ZNF350: variants seen among roughly 807,000 people sequenced by gnomAD.
ZNF350 encodes the protein KRAB zinc finger protein ZFQR.
ZNF350 carries 5 observed loss-of-function variants against 13.1 expected under a neutral mutation model. The observed-to-expected ratio is 0.38, with a 90% CI of 0.20 to 0.80. The LOEUF is 0.80. Ranked by LOEUF, ZNF350 falls within the 30% of genes least tolerant of loss-of-function variation. The pLI is 0.43. For missense variants in ZNF350, 534 were observed against 644.2 expected, an observed-to-expected ratio of 0.83 and a Z score of 1.85; for synonymous variants, 199 against 224.2, an observed-to-expected ratio of 0.89 and a Z score of 1.00.
At chr19:51,984,798 G>A (rs1210761452) in intron 1 of ZNF350, among the ~76,000 whole-genome samples, 4 of 152,138 alleles carry the variant, frequency 2.6e-5, no homozygotes, top group Non-Finnish European at 4.4e-5. Flanking sequence ...TATGTAGCCT[G>A]CAAGCCCTAA....
chr19:51,983,342 G>T (rs976414343), intron 1 of ZNF350, among the ~76,000 whole-genome samples: 14 of 152,134 alleles, frequency 9.2e-5, no homozygotes, highest in African/African-American at 3.4e-4. Flanking sequence ...TCGTGGGAAG[G>T]GAAAAACCTG....
intron 2 of ZNF350, among the ~76,000 whole-genome samples, chr19:51,969,620 C>T (rs2085678623): frequency 6.6e-6 from 1 of 151,816 alleles, no homozygotes; most frequent in Non-Finnish European, 1.5e-5. Flanking sequence ...TCACTCGAGC[C>T]CAGGAGTTCA....
chr19:51,982,616 A>G (rs1022832084), intron 1 of ZNF350, among the ~76,000 whole-genome samples: 1 of 152,260 alleles, frequency 6.6e-6, no homozygotes, highest in Non-Finnish European at 1.5e-5. Flanking sequence ...TCCCAAATCT[A>G]CAGATTCAAT....
rs1358010992 is a variant in ZNF350 at position 51,981,520 on chromosome 19, C to T, written c.-172+5250G>A. ...ATCTTGGTCAGGCTGGCCTTCAACTCCGGATCTCATCACACACCCGCCTCA... is the reference window on the plus strand; with the variant it reads ...ATCTTGGTCAGGCTGGCCTTCAACTTCGGATCTCATCACACACCCGCCTCA... On this transcript the variant is annotated intron_variant, in intron 1 of 4. Transcript: ENST00000243644. Among the ~76,000 whole-genome samples, 3 of 152,096 alleles carry T rather than the reference C, an allele frequency of 2.0e-5. No homozygotes were observed. The East Asian group carries it at 5.8e-4, about 29-fold the overall frequency.
At chr19:51,975,550 A>C (rs1288503106) in intron 1 of ZNF350, among the ~76,000 whole-genome samples, 1 of 152,164 alleles carries the variant, frequency 6.6e-6, no homozygotes, top group African/African-American at 2.4e-5. Context: ...AAAACAGAGC[A>C]AAAAGAGCAA....
intron 2 of ZNF350, among the ~76,000 whole-genome samples, chr19:51,971,995 G>T (rs2085751525): frequency 6.6e-6 from 1 of 152,112 alleles, no homozygotes. Flanking sequence ...ATTATTCAAT[G>T]AGAATTGTTA....
intron 2 of ZNF350, among the ~76,000 whole-genome samples, chr19:51,972,792 A>G (rs559745792): frequency 6.6e-6 from 1 of 152,244 alleles, no homozygotes; most frequent in Admixed American, 6.5e-5. Context: ...GGAAGAAAAT[A>G]TGTGAAAAGA....
In ZNF350 at chr19:51,965,509, T is replaced by G; in HGVS notation, c.944A>C (p.Glu315Ala). The change falls in exon 5 of 5, where the codon GAG becomes GCG. Residue 315 changes from glutamate (E) to alanine (A), a missense_variant. By Grantham distance (107) the Glu-to-Ala change is moderately radical. Coordinates refer to ENST00000243644, the MANE Select transcript of ZNF350 (RefSeq NM_021632.4). ...ACATTCATTGCATATATAAGGTTTC[T>G]CACCTGTATGAATTCGCTGGTGTAC... Reference protein sequence around the residue: ...LIVHQRIHTGEKPYICNECGK... With the variant: ...LIVHQRIHTGAKPYICNECGK... 1 of 1,614,236 alleles carries G rather than the reference T, an allele frequency of 6.2e-7. No homozygotes were observed.
intron 4 of ZNF350, among the ~76,000 whole-genome samples, chr19:51,966,647 G>GC (rs1555762159): frequency 6.9e-5 from 10 of 144,440 alleles, no homozygotes; most frequent in Non-Finnish European, 1.1e-4. Context: ...ATTTTTTGTT[G>GC]TTTTTTTTTT....
chr19:51,966,213 G>A lies in ZNF350; in HGVS notation c.240C>T (p.Asp80=), dbSNP rs201632206. The A allele has an allele frequency of 4.6e-5, 71 of 1,550,796 alleles. No homozygotes were observed. The highest frequency in any genetic ancestry group is 1.7e-6 in the Non-Finnish European group (2 of 1,153,562). ...EDGIHSGACS[D]IWKVDHVLER... ...CCAGCACATGATCAACTTTCCATAT[G>A]TCTAGAAAGAAAAGAACAAAGATTT... Residue 80 remains aspartate (D), a splice_region_variant and synonymous_variant, in exon 5 of 5, where the codon GAC becomes GAT. Transcript: ENST00000243644.
chr19:51,975,062 A>G (rs1415517395), intron 1 of ZNF350, among the ~76,000 whole-genome samples: 6 of 152,250 alleles, frequency 3.9e-5, no homozygotes, highest in African/African-American at 1.4e-4. Context: ...TTACTGGATA[A>G]TTAGGTGGTG....
Position 51,965,603 on chromosome 19 carries a change from G to GTGT in ZNF350, c.847_849dup (p.Thr283dup). 1 of 1,614,192 alleles carries GTGT rather than the reference G, an allele frequency of 6.2e-7. No homozygotes were observed. Among genetic ancestry groups the GTGT allele is most frequent in the Non-Finnish European group, 8.5e-7 (1 of 1,180,042 alleles). ...CATATATAGGGTTTCTCTCCGGTAT[G>GTGT]TGTTTTCTGATGTATGTTGAGCCGT... On this transcript the variant is annotated inframe_insertion, in exon 5 of 5. Transcript: ENST00000243644.
At chr19:51,969,638 C>T (rs1274330280) in intron 2 of ZNF350, among the ~76,000 whole-genome samples, 2 of 152,066 alleles carry the variant, frequency 1.3e-5, no homozygotes, top group East Asian at 1.9e-4. Flanking sequence ...TCAAGACCAG[C>T]CTGGGCAACA....
intron 4 of ZNF350, 114 bp from the exon 5 acceptor site, chr19:51,966,328 G>T: frequency 2.7e-6 from 3 of 1,107,754 alleles, no homozygotes; most frequent in Non-Finnish European, 3.7e-6. Flanking sequence ...CCGTTGTCCA[G>T]GCTGGAGTGC....
At position 51,964,978 on chromosome 19, in the gene ZNF350, A is replaced by C; in HGVS notation, c.1475T>G (p.Val492Gly). Residue 492 changes from valine (V) to glycine (G), a missense_variant, in exon 5 of 5, where the codon GTC (valine) becomes GGC (glycine). Transcript: ENST00000243644. ...GTTATCTCCTGAGGCTGCACATCTGACCACTGGCTGTCCCACAAGGACTAC... is the reference window on the plus strand; with the variant it reads ...GTTATCTCCTGAGGCTGCACATCTGCCCACTGGCTGTCCCACAAGGACTAC... ...RNVVLVGQPVVRCAASGDNRG... is the reference protein window; with the variant it reads ...RNVVLVGQPVGRCAASGDNRG... 6.2e-7 allele frequency: 1 copy of C among 1,614,126 alleles called. No homozygotes were observed. The highest frequency in any genetic ancestry group is 8.5e-7 in the Non-Finnish European group (1 of 1,180,012).
At position 51,964,484 on chromosome 19, in the gene ZNF350, A is replaced by G; in HGVS notation, c.*370T>C. On this transcript the variant is annotated 3_prime_UTR_variant, in exon 5 of 5. Coordinates refer to ENST00000243644, the MANE Select transcript of ZNF350 (RefSeq NM_021632.4). ...GTCTAAGGAAACTGAATTGACACAT[A>G]TGTGTCCCACATTCCACCATTACAG... 4.3e-6 allele frequency: 1 copy of G among 230,010 alleles called. No individual in the cohort carries two copies. Among genetic ancestry groups the G allele is most frequent in the South Asian group, 1.0e-4 (1 of 9,728 alleles). 14.2% of individuals were successfully genotyped at this position (230,010 alleles called of 1,614,324 possible).
intron 1 of ZNF350, among the ~76,000 whole-genome samples, chr19:51,975,597 G>C (rs2085871507): frequency 6.6e-6 from 1 of 152,030 alleles, no homozygotes; most frequent in Admixed American, 6.6e-5. Flanking sequence ...AAAATAAAAT[G>C]TACTAAGAAA....
intron 1 of ZNF350, 173 bp downstream of exon 1, chr19:51,986,597 T>C (rs990233232): frequency 2.0e-5 from 3 of 152,736 alleles, no homozygotes; most frequent in African/African-American, 7.3e-5. Flanking sequence ...GACAGGGGGA[T>C]CACAGACTCC....
intron 2 of ZNF350, among the ~76,000 whole-genome samples, chr19:51,969,354 T>G (rs1442834521): frequency 6.6e-6 from 1 of 152,066 alleles, no homozygotes; most frequent in African/African-American, 2.4e-5. Context: ...AGTGTAGAAG[T>G]TAAATCTTGC....
Sources: gnomAD v4.1 joint callset for allele counts (sites outside exome capture counted in the v4.1 genomes callset) on GRCh38, gnomAD v4.1.1 for gene constraint, MANE v1.5 for transcripts, NCBI Gene and HGNC (gene_info 2026-07-23, HGNC 2026-07-21) for gene names.